The following NBN variants were observed in gnomAD, a reference collection of about 807,000 sequenced individuals.
The protein encoded by NBN is nibrin, also known as Nijmegen breakage syndrome 1 (nibrin).
NBN carries 88 observed loss-of-function variants against 90.8 expected under a neutral mutation model. That is an observed-to-expected ratio of 0.97 (90% confidence interval 0.82 to 1.16). NBN has a LOEUF of 1.16. Ranked by LOEUF, NBN falls within the 50% of genes most tolerant of loss-of-function variation. NBN has a pLI of 0.00. For synonymous variants in NBN, 328 were observed against 295.1 expected, an observed-to-expected ratio of 1.11 and a Z score of -1.14; for missense variants, 894 against 869.6, an observed-to-expected ratio of 1.03 and a Z score of -0.35.
chr8:89,981,341 T>C, intron 3 of NBN, 34 bp downstream of exon 3: 4 of 1,591,208 alleles, frequency 2.5e-6, no homozygotes, highest in Non-Finnish European at 3.4e-6. Flanking sequence ...GAAACAAAGC[T>C]GTCCATTTTA....
chr8:89,974,798 G>A (rs1481648120), intron 5 of NBN, among the ~76,000 whole-genome samples: 1 of 152,182 alleles, frequency 6.6e-6, no homozygotes, highest in East Asian at 1.9e-4. Context: ...ATACCCTTGA[G>A]AAATGGTCTG....
chr8:89,941,713 C>T (rs1809957595), intron 14 of NBN, among the ~76,000 whole-genome samples: 1 of 152,160 alleles, frequency 6.6e-6, no homozygotes, highest in Non-Finnish European at 1.5e-5. Context: ...TAGGTTTTCA[C>T]ATCTTCATTC....
intron 14 of NBN, among the ~76,000 whole-genome samples, chr8:89,940,169 T>C (rs953791596): frequency 2.6e-5 from 4 of 152,190 alleles, no homozygotes; most frequent in Admixed American, 2.6e-4. Flanking sequence ...CACTGCAACC[T>C]TAACCTCCCA....
chr8:89,981,408 C>A lies in NBN; in HGVS notation c.287G>T (p.Gly96Val). 6.2e-7 allele frequency: 1 copy of A among 1,614,018 alleles called. No homozygotes were observed. Among genetic ancestry groups the A allele is most frequent in the Non-Finnish European group, 8.5e-7 (1 of 1,179,964 alleles). Reference sequence around the variant, plus strand: ...ACTTCCAAACACTCCAAAAGTAATACCATCCCCCGACTTCAAAGTTCGGGA... The same window carrying A: ...ACTTCCAAACACTCCAAAAGTAATAACATCCCCCGACTTCAAAGTTCGGGA... ...GFSRTLKSGD[G>V]ITFGVFGSKF... is the part of the protein sequence containing the mutation. The change falls in exon 3 of 16, where the codon GGT becomes GTT. Residue 96 changes from glycine to valine, a missense_variant. By Grantham distance (109) the Gly-to-Val change is moderately radical (BLOSUM62 -3). Coordinates refer to ENST00000265433, the MANE Select transcript of NBN (RefSeq NM_002485.5).
At chr8:89,954,374 CCAAT>C (rs1158017648) in intron 10 of NBN, among the ~76,000 whole-genome samples, 5 of 151,990 alleles carry the variant, frequency 3.3e-5, no homozygotes, top group Non-Finnish European at 5.9e-5. Context: ...GACAAACCAA[CCAAT>C]CGAGAGGTTT....
intron 14 of NBN, 69 bp from the exon 15 acceptor site, chr8:89,937,144 G>T: frequency 7.0e-7 from 1 of 1,423,802 alleles, no homozygotes. Flanking sequence ...TTGCTATAGT[G>T]ATAGGTCACT....
intron 8 of NBN, among the ~76,000 whole-genome samples, chr8:89,963,814 T>A (rs1199281064): frequency 6.6e-6 from 1 of 152,194 alleles, no homozygotes; most frequent in Admixed American, 6.5e-5. Flanking sequence ...TTTTTCTGCA[T>A]CTCTACTATT....
At chr8:89,937,716 G>A (rs934500939) in intron 14 of NBN, among the ~76,000 whole-genome samples, 7 of 152,102 alleles carry the variant, frequency 4.6e-5, no homozygotes, top group Admixed American at 2.0e-4. Context: ...CATTTGACCC[G>A]CTGAAATGTG....
chr8:89,955,071 G>A (rs757635681), intron 10 of NBN, among the ~76,000 whole-genome samples: 1 of 151,988 alleles, frequency 6.6e-6, no homozygotes, highest in African/African-American at 2.4e-5. Flanking sequence ...AAAATAACAC[G>A]TAAGTACATA....
In NBN at chr8:89,980,782, T is replaced by C. The variant is rs886043003; in HGVS notation, c.432A>G (p.Thr144=). The part of the protein sequence containing the change: ...QLGGFTVNNW[T]EECTHLVMVS... ...CCATGACAAGGTGAGTGCATTCTTC[T>C]GTCCAATTGTTTACAGTAAATCCTC... The change falls in exon 4 of 16, where the codon ACA becomes ACG. Residue 144 remains threonine, a synonymous_variant. Coordinates refer to ENST00000265433, the MANE Select transcript of NBN (RefSeq NM_002485.5). The C allele has an allele frequency of 1.9e-6, 3 of 1,613,548 alleles. No homozygotes were observed. Among genetic ancestry groups the C allele is most frequent in the African/African-American group, 2.7e-5 (2 of 74,932 alleles).
intron 11 of NBN, among the ~76,000 whole-genome samples, chr8:89,948,156 T>C (rs1472922643): frequency 6.6e-6 from 1 of 152,142 alleles, no homozygotes; most frequent in Non-Finnish European, 1.5e-5. Flanking sequence ...ATCACATGCT[T>C]AGAGAATATT....
chr8:89,952,250 C>CAAT (rs977633984), intron 11 of NBN, among the ~76,000 whole-genome samples: 4 of 152,122 alleles, frequency 2.6e-5, no homozygotes, highest in African/African-American at 9.7e-5. Flanking sequence ...TTAGCTAACC[C>CAAT]AATGAGGGAA....
chr8:89,970,729 G>T, intron 6 of NBN, 172 bp from the exon 7 acceptor site: 2 of 184,256 alleles, frequency 1.1e-5, no homozygotes, highest in Non-Finnish European at 2.1e-5. Flanking sequence ...GGTCTCTGCG[G>T]CCCTGGAACT....
At chr8:89,958,157 G>A (rs937525130) in intron 9 of NBN, among the ~76,000 whole-genome samples, 2 of 152,132 alleles carry the variant, frequency 1.3e-5, no homozygotes, top group Non-Finnish European at 2.9e-5. Flanking sequence ...CTGACAGGAG[G>A]TGGAGCTCAG....
intron 7 of NBN, among the ~76,000 whole-genome samples, chr8:89,967,234 TG>T (rs1319643699): frequency 6.6e-6 from 1 of 152,158 alleles, no homozygotes; most frequent in East Asian, 1.9e-4. Flanking sequence ...TGAGTGTGGG[TG>T]GGTGTGTCAG....
intron 15 of NBN, 113 bp downstream of exon 15, chr8:89,936,913 A>G (rs1246759833): frequency 3.8e-6 from 3 of 780,502 alleles, no homozygotes; most frequent in African/African-American, 1.7e-5. Context: ...GTGTTAGGTG[A>G]AGGGACTAGG....
chr8:89,970,416 T>A lies in NBN; in HGVS notation c.844A>T (p.Ile282Phe). ...DTGITNSQTL[I>F]PDCQKKWIQS... ...ATCCATTTCTTCTGACAGTCAGGAA[T>A]TAAGGTCTGTGAGTTTGTTATTCCT... Residue 282 changes from isoleucine (I) to phenylalanine (F), a missense_variant, in exon 7 of 16, where the codon ATT (isoleucine) becomes TTT (phenylalanine). Ile to Phe is a conservative substitution (Grantham distance 21). Coordinates refer to ENST00000265433, the MANE Select transcript of NBN (RefSeq NM_002485.5). The A allele has an allele frequency of 6.2e-7, 1 of 1,614,042 alleles. No individual in the cohort carries two copies. Among genetic ancestry groups the A allele is most frequent in the Non-Finnish European group, 8.5e-7 (1 of 1,179,936 alleles).
chr8:89,982,907 G>A (rs1479747779), intron 1 of NBN, 52 bp from the exon 2 acceptor site: 4 of 1,555,574 alleles, frequency 2.6e-6, no homozygotes, highest in South Asian at 1.1e-5. Flanking sequence ...ACATACACAT[G>A]TACACGAACA....
At position 89,953,321 on chromosome 8, in the gene NBN, T is replaced by G; in HGVS notation, c.1768A>C (p.Arg590=). Reference sequence around the variant, plus strand: ...TCTATATCCATCCTTGGCCTTTTTCTAACATTGACATCTTCCTCCTGTTTT... The same window carrying G: ...TCTATATCCATCCTTGGCCTTTTTCGAACATTGACATCTTCCTCCTGTTTT... ...VQKQEEDVNV[R]KRPRMDIETN... The change falls in exon 11 of 16, where the codon AGA becomes CGA. Residue 590 remains arginine, a synonymous_variant. Transcript: ENST00000265433. The G allele has an allele frequency of 6.2e-7, 1 of 1,613,522 alleles. No individual in the cohort carries two copies.
Sources: allele counts gnomAD v4.1 joint callset (sites outside exome capture counted in the v4.1 genomes callset), GRCh38; gene constraint gnomAD v4.1.1; transcripts MANE v1.5; gene names NCBI Gene and HGNC (gene_info 2026-07-23, HGNC 2026-07-21).